SLC24A4: variants seen among roughly 807,000 people sequenced by gnomAD.
SLC24A4 encodes solute carrier family 24 member 4, also known as sodium/potassium/calcium exchanger 4.
A neutral mutation model predicts 79.0 loss-of-function variants in SLC24A4; 53 were observed. The observed-to-expected ratio is 0.67, with a 90% confidence interval of 0.54 to 0.84. SLC24A4 has a LOEUF of 0.84. Ranked by LOEUF, SLC24A4 falls within the 40% of genes least tolerant of loss-of-function variation. The pLI is 0.00. For synonymous variants in SLC24A4, 323 were observed against 323.8 expected, an observed-to-expected ratio of 1.00 and a Z score of 0.03; for missense variants, 731 against 822.0, an observed-to-expected ratio of 0.89 and a Z score of 1.35.
intron 2 of SLC24A4, among the ~76,000 whole-genome samples, chr14:92,407,888 TGTGTGTGTGTG>T (rs1890485515): frequency 1.3e-5 from 2 of 150,498 alleles, no homozygotes; most frequent in South Asian, 4.2e-4. Flanking sequence ...TGTGTGTGTG[TGTGTGTGTGTG>T]TATTTATTTT....
intron 2 of SLC24A4, among the ~76,000 whole-genome samples, chr14:92,339,995 G>A (rs1012140004): frequency 6.6e-6 from 1 of 152,206 alleles, no homozygotes; most frequent in Non-Finnish European, 1.5e-5. Context: ...TGCTAGAGGT[G>A]CAAGATGGCA....
intron 2 of SLC24A4, among the ~76,000 whole-genome samples, chr14:92,430,472 C>A (rs1199165735): frequency 1.3e-5 from 2 of 152,238 alleles, no homozygotes; most frequent in African/African-American, 4.8e-5. Flanking sequence ...ACTGGAGGTG[C>A]TTCTGTCCCC....
chr14:92,366,385 A>G (rs1188128011), intron 2 of SLC24A4, among the ~76,000 whole-genome samples: 2 of 152,196 alleles, frequency 1.3e-5, no homozygotes, highest in Non-Finnish European at 2.9e-5. Context: ...TGGGATAAAC[A>G]GCTCTGGTCC....
chr14:92,484,572 G>C (rs937357047), intron 13 of SLC24A4: 1 of 985,300 alleles, frequency 1.0e-6, no homozygotes, highest in Non-Finnish European at 1.2e-6. Context: ...AACAAGTCAT[G>C]TAACTCAGGA....
intron 2 of SLC24A4, among the ~76,000 whole-genome samples, chr14:92,406,181 C>T (rs1890363647): frequency 6.6e-6 from 1 of 152,236 alleles, no homozygotes. Context: ...TCTCCTTTGA[C>T]TCTATGTCTC....
chr14:92,326,220 A>G (rs984339421), intron 2 of SLC24A4, among the ~76,000 whole-genome samples: 1 of 152,162 alleles, frequency 6.6e-6, no homozygotes, highest in Non-Finnish European at 1.5e-5. Context: ...TAAAAATGTT[A>G]CTTTTTGTTC....
chr14:92,484,024 T>C (rs1895221630), intron 13 of SLC24A4: 18 of 985,214 alleles, frequency 1.8e-5, no homozygotes, highest in Non-Finnish European at 2.2e-5. Flanking sequence ...TCCTACCTCT[T>C]GCAAACCACA....
At chr14:92,345,471 C>T (rs1161302437) in intron 2 of SLC24A4, among the ~76,000 whole-genome samples, 2 of 152,146 alleles carry the variant, frequency 1.3e-5, no homozygotes, top group East Asian at 1.9e-4. Context: ...GAGGCCAAGG[C>T]GGGCGGATCA....
At chr14:92,488,171 A>G (rs1895483712) in intron 14 of SLC24A4, among the ~76,000 whole-genome samples, 1 of 150,380 alleles carries the variant, frequency 6.6e-6, no homozygotes, top group Non-Finnish European at 1.5e-5. Context: ...CCCTGGGTTC[A>G]AGCGGTTCTC....
At chr14:92,376,788 A>G (rs1888530107) in intron 2 of SLC24A4, among the ~76,000 whole-genome samples, 1 of 152,202 alleles carries the variant, frequency 6.6e-6, no homozygotes, top group South Asian at 2.1e-4. Context: ...ACTGAGAACA[A>G]TTGGCAATGT....
chr14:92,492,379 C>T (rs1895730702), intron 16 of SLC24A4, 139 bp downstream of exon 16: 2 of 772,448 alleles, frequency 2.6e-6, no homozygotes, highest in Non-Finnish European at 4.3e-6. Context: ...TGTAGACGTT[C>T]ATAGACACAC....
At position 92,500,128 on chromosome 14, in the gene SLC24A4, G is replaced by T. The variant is rs117314912; in HGVS notation, c.*6500G>T. ...TGCTGGATTACAAGCGTGAGCCACC[G>T]CGCCCCGCCAAGCAGTTGCTTCTTA... On this transcript the variant is annotated 3_prime_UTR_variant, in exon 17 of 17. Coordinates refer to ENST00000532405, the MANE Select transcript of SLC24A4 (RefSeq NM_153646.4). 0.02 allele frequency: 2,992 copies of T among 152,154 alleles called. 54 individuals carry two copies. Among genetic ancestry groups the T allele is most frequent in the Non-Finnish European group, 0.029 (1,994 of 68,018 alleles). The allele number at this position is 152,154 out of a possible 1,614,324, so 9.4% of individuals were successfully genotyped here.
chr14:92,442,865 G>A, intron 6 of SLC24A4, 49 bp downstream of exon 6: 4 of 1,450,276 alleles, frequency 2.8e-6, no homozygotes, highest in Non-Finnish European at 3.9e-6. Context: ...TGAAGCGTGG[G>A]GGATGAGCCT....
At chr14:92,384,238 C>T (rs552182560) in intron 2 of SLC24A4, among the ~76,000 whole-genome samples, 3 of 152,210 alleles carry the variant, frequency 2.0e-5, no homozygotes, top group East Asian at 1.9e-4. Flanking sequence ...AATGACAGGC[C>T]TCCTCAGGCA....
At chr14:92,325,496 T>C (rs1885073550) in intron 1 of SLC24A4, among the ~76,000 whole-genome samples, 2 of 152,224 alleles carry the variant, frequency 1.3e-5, no homozygotes, top group South Asian at 4.1e-4. Flanking sequence ...GCTTGCTGAC[T>C]TGCTATTCAT....
intron 2 of SLC24A4, among the ~76,000 whole-genome samples, chr14:92,416,276 T>TG: frequency 6.6e-6 from 1 of 152,084 alleles, no homozygotes; most frequent in African/African-American, 2.4e-5. Context: ...GAAGCAGAGA[T>TG]GCGTTTCTCT....
chr14:92,449,881 G>C (rs887208656), intron 10 of SLC24A4, among the ~76,000 whole-genome samples: 2 of 152,244 alleles, frequency 1.3e-5, no homozygotes, highest in Non-Finnish European at 2.9e-5. Flanking sequence ...GCCATCTGCT[G>C]TCGTGTCTTA....
intron 2 of SLC24A4, among the ~76,000 whole-genome samples, chr14:92,369,123 G>C (rs1465203649): frequency 6.6e-6 from 1 of 152,184 alleles, no homozygotes; most frequent in African/African-American, 2.4e-5. Flanking sequence ...TGCCCACAGT[G>C]CCCAGGCAGC....
chr14:92,385,833 C>T (rs373396324), intron 2 of SLC24A4, among the ~76,000 whole-genome samples: 16 of 152,328 alleles, frequency 1.1e-4, no homozygotes, highest in African/African-American at 2.2e-4. Flanking sequence ...CCCAGCTCCC[C>T]CATCCCAGAC....
Sources: gnomAD v4.1 joint callset for allele counts (sites outside exome capture counted in the v4.1 genomes callset) on GRCh38, gnomAD v4.1.1 for gene constraint, MANE v1.5 for transcripts, NCBI Gene and HGNC (gene_info 2026-07-23, HGNC 2026-07-21) for gene names.